ZFAT: variants seen among roughly 807,000 people sequenced by gnomAD.
The protein encoded by ZFAT is zinc finger protein ZFAT.
Under a neutral mutation model 117.7 loss-of-function variants are expected in ZFAT, and 64 were observed. The ratio of observed to expected loss-of-function variants is 0.54; its 90% CI spans 0.44 to 0.67. ZFAT has a LOEUF of 0.67. Ranked by LOEUF, ZFAT falls within the 30% of genes least tolerant of loss-of-function variation. The pLI is 0.00. For synonymous variants in ZFAT, 679 were observed against 615.0 expected, an observed-to-expected ratio of 1.10 and a Z score of -1.54; for missense variants, 1,433 against 1,584.5, an observed-to-expected ratio of 0.90 and a Z score of 1.62.
the ZFAT span, among the ~76,000 whole-genome samples, chr8:134,728,547 T>G: frequency 6.6e-6 from 1 of 152,176 alleles, no homozygotes; most frequent in African/African-American, 2.4e-5. Flanking sequence ...AGGGCACCAC[T>G]CTGGAGGGTG....
At chr8:134,643,166 A>C (rs578136122) in intron 2 of ZFAT, among the ~76,000 whole-genome samples, 1 of 152,364 alleles carries the variant, frequency 6.6e-6, no homozygotes, top group South Asian at 2.1e-4. Context: ...CCCATCATAT[A>C]GTAGAGGTCA....
At chr8:134,753,542 G>C in the ZFAT span, among the ~76,000 whole-genome samples, 1 of 152,100 alleles carries the variant, frequency 6.6e-6, no homozygotes, top group African/African-American at 2.4e-5. Flanking sequence ...GATCAGGAGA[G>C]GTATGTGTCC....
Position 134,601,520 on chromosome 8 carries a change from C to T in ZFAT, c.2199G>A (p.Glu733=), listed in dbSNP as rs758790224. The change falls in exon 6 of 16, where the codon GAG becomes GAA. Residue 733 remains glutamate, a synonymous_variant. Coordinates refer to ENST00000377838, the MANE Select transcript of ZFAT (RefSeq NM_020863.4). ...QKKQMNTSLC[E]RIRKVYGDLE... ...GGTCTCCATAAACCTTCCGGATCCGCTCACACAAGCTGGTGTTCATTTGCT... is the reference window on the plus strand; with the variant it reads ...GGTCTCCATAAACCTTCCGGATCCGTTCACACAAGCTGGTGTTCATTTGCT... 1.2e-6 allele frequency: 2 copies of T among 1,614,150 alleles called. No homozygotes were observed. The highest frequency in any genetic ancestry group is 1.7e-6 in the Non-Finnish European group (2 of 1,179,968).
In ZFAT at chr8:134,520,917, T is replaced by G. The variant is rs1332409435; in HGVS notation, c.3200A>C (p.Lys1067Thr). 6.2e-7 allele frequency: 1 copy of G among 1,613,926 alleles called. No individual in the cohort carries two copies. Among genetic ancestry groups the G allele is most frequent in the Non-Finnish European group, 8.5e-7 (1 of 1,179,848 alleles). Residue 1067 changes from lysine (K) to threonine (T), a missense_variant, in exon 13 of 16, where the codon AAG becomes ACG. Lys to Thr is a moderately conservative substitution (Grantham distance 78). Around this residue, in one of 5 missense-constraint regions of ZFAT, gnomAD observed 503 missense variants for 543.4 expected, o/e 0.93. Transcript: ENST00000377838. ...GGGGTCTCCATCAATTTCCACCACCTTCAAGCCATGTTTGTTCTTCAAGTG... is the reference window on the plus strand; with the variant it reads ...GGGGTCTCCATCAATTTCCACCACCGTCAAGCCATGTTTGTTCTTCAAGTG... ...NRHLKNKHGL[K>T]VVEIDGDPKW...
At chr8:134,613,403 C>T (rs753133333) in intron 3 of ZFAT, among the ~76,000 whole-genome samples, 1 of 152,236 alleles carries the variant, frequency 6.6e-6, no homozygotes, top group Admixed American at 6.5e-5. Flanking sequence ...TAGGAACACA[C>T]TGCAGAACCG....
the ZFAT span, among the ~76,000 whole-genome samples, chr8:134,757,726 A>T: frequency 6.6e-6 from 1 of 152,220 alleles, no homozygotes; most frequent in South Asian, 2.1e-4. Flanking sequence ...AGTGGCAGAC[A>T]TCCCATCCTG....
Position 134,588,321 on chromosome 8 carries a change from T to C in ZFAT, c.2638A>G (p.Met880Val), listed in dbSNP as rs774513277. 20 of 1,588,670 alleles carry C rather than the reference T, an allele frequency of 1.3e-5. No homozygotes were observed. Among genetic ancestry groups the C allele is most frequent in the Non-Finnish European group, 1.7e-5 (20 of 1,166,630 alleles). Residue 880 changes from methionine (M) to valine (V), a missense_variant, in exon 9 of 16, where the codon ATG becomes GTG. Coordinates refer to ENST00000377838, the MANE Select transcript of ZFAT (RefSeq NM_020863.4). ...TAAAAGTCACAATATGGGCATTTCA[T>C]GGCTCTCTTTCCAATTAGCCCTTTC... ...QLKGLIGKRA[M>V]KCPYCDFYFM...
chr8:134,645,596 T>C (rs1446132630), intron 2 of ZFAT, among the ~76,000 whole-genome samples: 2 of 152,236 alleles, frequency 1.3e-5, no homozygotes, highest in East Asian at 1.9e-4. Flanking sequence ...ATTTGATTAT[T>C]CCTGGACTAC....
the ZFAT span, among the ~76,000 whole-genome samples, chr8:134,747,996 T>C: frequency 6.6e-6 from 1 of 152,260 alleles, no homozygotes; most frequent in African/African-American, 2.4e-5. Flanking sequence ...TAGTTGGATC[T>C]GTCCATAATA....
the ZFAT span, among the ~76,000 whole-genome samples, chr8:134,733,181 G>T: frequency 6.6e-6 from 1 of 152,116 alleles, no homozygotes; most frequent in Non-Finnish European, 1.5e-5. Flanking sequence ...AAAAAATCTG[G>T]ATTTCTGTCT....
chr8:134,830,891 G>C, the ZFAT span, among the ~76,000 whole-genome samples: 1 of 152,122 alleles, frequency 6.6e-6, no homozygotes, highest in Non-Finnish European at 1.5e-5. Context: ...TCATTCTAAC[G>C]TTTGGTAAAC....
At chr8:134,742,256 C>T in the ZFAT span, among the ~76,000 whole-genome samples, 92 of 151,696 alleles carry the variant, frequency 6.1e-4, no homozygotes, top group East Asian at 4.6e-3. Context: ...TGGTGGCTTG[C>T]TGCACCTATC....
chr8:134,663,591 A>G (rs1832050976), intron 1 of ZFAT, among the ~76,000 whole-genome samples: 1 of 152,032 alleles, frequency 6.6e-6, no homozygotes, highest in South Asian at 2.1e-4. Context: ...ACAAAAAATT[A>G]GCCGGGGGTG....
intron 3 of ZFAT, among the ~76,000 whole-genome samples, chr8:134,624,572 G>T (rs190011644): frequency 1.3e-5 from 2 of 152,066 alleles, no homozygotes; most frequent in Admixed American, 6.5e-5. Flanking sequence ...CAGGAGAATC[G>T]CTTGAACCCA....
intron 15 of ZFAT, among the ~76,000 whole-genome samples, chr8:134,501,540 G>A (rs1163104905): frequency 6.6e-6 from 1 of 152,120 alleles, no homozygotes; most frequent in African/African-American, 2.4e-5. Flanking sequence ...AAACCGTTAC[G>A]GGAAAGTGGA....
intron 11 of ZFAT, among the ~76,000 whole-genome samples, chr8:134,558,209 C>T (rs1052053147): frequency 3.3e-5 from 5 of 152,134 alleles, no homozygotes; most frequent in African/African-American, 1.2e-4. Context: ...AAGAAGAAAG[C>T]CCCCTAACTC....
At chr8:134,696,759 C>T (rs889579173) in intron 1 of ZFAT, among the ~76,000 whole-genome samples, 2 of 152,222 alleles carry the variant, frequency 1.3e-5, no homozygotes. Flanking sequence ...GTAGCCGCCC[C>T]CACCCAGCAG....
At chr8:134,564,924 C>T (rs1824320278) in intron 11 of ZFAT, 1 of 1,203,218 alleles carries the variant, frequency 8.3e-7, no homozygotes, top group Admixed American at 3.3e-5. Flanking sequence ...CGAACACAAT[C>T]TCCAGTTTTT....
At chr8:134,727,566 G>T in the ZFAT span, among the ~76,000 whole-genome samples, 67 of 152,244 alleles carry the variant, frequency 4.4e-4, no homozygotes, top group African/African-American at 1.6e-3. Flanking sequence ...AAATTATAAT[G>T]CTTTTTAAAG....
Sources: allele counts gnomAD v4.1 joint callset (sites outside exome capture counted in the v4.1 genomes callset), GRCh38; gene constraint gnomAD v4.1.1; regional missense constraint gnomAD v4.1.1; transcripts MANE v1.5; gene names NCBI Gene and HGNC (gene_info 2026-07-23, HGNC 2026-07-21).